The following ARMH3 variants were observed in gnomAD, a reference collection of about 807,000 sequenced individuals.
The protein encoded by ARMH3 is armadillo like helical domain containing 3.
In ARMH3, 60 loss-of-function variants were observed where a neutral mutation model predicts 99.1. The observed-to-expected ratio is 0.61, with a 90% confidence interval of 0.49 to 0.75. The LOEUF (loss-of-function observed/expected upper bound fraction) is 0.75. ARMH3 is among the 30% of genes least tolerant of loss of function. The pLI, the probability that ARMH3 is intolerant of heterozygous loss-of-function variation, is 0.00. For synonymous variants in ARMH3, 285 were observed against 292.8 expected, an observed-to-expected ratio of 0.97 and a Z score of 0.27; for missense variants, 679 against 843.1, an observed-to-expected ratio of 0.81 and a Z score of 2.41.
At chr10:102,049,424 C>T (rs1444808676) in intron 1 of ARMH3, among the ~76,000 whole-genome samples, 1 of 151,954 alleles carries the variant, frequency 6.6e-6, no homozygotes, top group African/African-American at 2.4e-5. Context: ...TGCCTGTAAT[C>T]CCAGCTACTC....
intron 6 of ARMH3, 101 bp from the exon 7 acceptor site, chr10:102,023,850 A>G: frequency 1.8e-6 from 2 of 1,132,094 alleles, no homozygotes; most frequent in Non-Finnish European, 2.6e-6. Flanking sequence ...ATATTAAAAT[A>G]TTTCTACTAG....
At chr10:102,004,842 G>A (rs2066445460) in intron 14 of ARMH3, among the ~76,000 whole-genome samples, 1 of 152,070 alleles carries the variant, frequency 6.6e-6, no homozygotes, top group African/African-American at 2.4e-5. Flanking sequence ...GCCCGAGGCA[G>A]GCGGATCACC....
intron 19 of ARMH3, among the ~76,000 whole-genome samples, chr10:101,976,412 TCACA>T (rs144097502): frequency 7.5e-4 from 106 of 141,864 alleles, no homozygotes; most frequent in East Asian, 1.9e-3. Context: ...TCTCTCTCTC[TCACA>T]CACACACACA....
At chr10:101,879,600 C>T (rs2067360349) in intron 24 of ARMH3, among the ~76,000 whole-genome samples, 1 of 152,136 alleles carries the variant, frequency 6.6e-6, no homozygotes, top group African/African-American at 2.4e-5. Flanking sequence ...GATCCGCCCA[C>T]CTCGGCCTCC....
At chr10:102,032,304 C>T (rs1412708396) in intron 4 of ARMH3, among the ~76,000 whole-genome samples, 1 of 152,200 alleles carries the variant, frequency 6.6e-6, no homozygotes, top group East Asian at 1.9e-4. Flanking sequence ...ATGCCTGGCA[C>T]ATAACAATTC....
intron 24 of ARMH3, among the ~76,000 whole-genome samples, chr10:101,858,982 T>C (rs2066797634): frequency 6.6e-6 from 1 of 152,236 alleles, no homozygotes; most frequent in African/African-American, 2.4e-5. Flanking sequence ...TAGACCCTGA[T>C]GTACCTTCTG....
intron 19 of ARMH3, among the ~76,000 whole-genome samples, chr10:101,985,114 T>TACACAC (rs1846416028): frequency 1.6e-5 from 2 of 128,084 alleles, no homozygotes; most frequent in Non-Finnish European, 3.5e-5. Flanking sequence ...CACACACACG[T>TACACAC]GTACATATAT....
intron 5 of ARMH3, among the ~76,000 whole-genome samples, chr10:102,026,042 A>C (rs1346943868): frequency 6.6e-6 from 1 of 152,206 alleles, no homozygotes; most frequent in African/African-American, 2.4e-5. Flanking sequence ...CTAGCCATAT[A>C]AACTATCCAA....
chr10:101,861,729 C>CAAAA (rs35593972), intron 24 of ARMH3, among the ~76,000 whole-genome samples: 29 of 44,066 alleles, frequency 6.6e-4, no homozygotes, highest in Non-Finnish European at 9.0e-4. Flanking sequence ...GACTCCGTCT[C>CAAAA]AAAAAAAAAA....
intron 24 of ARMH3, among the ~76,000 whole-genome samples, chr10:101,852,517 AG>A (rs1160370045): frequency 6.6e-6 from 1 of 152,240 alleles, no homozygotes; most frequent in Non-Finnish European, 1.5e-5. Flanking sequence ...GCACTTTGGG[AG>A]GCCGAGGCGG....
intron 1 of ARMH3, among the ~76,000 whole-genome samples, 198 bp from the exon 2 acceptor site, chr10:102,040,323 G>C (rs2067379770): frequency 6.6e-6 from 1 of 152,188 alleles, no homozygotes; most frequent in Non-Finnish European, 1.5e-5. Context: ...CTCTAGTGGG[G>C]GATGTTGTCA....
chr10:101,860,517 T>C (rs939086462), intron 24 of ARMH3, among the ~76,000 whole-genome samples: 4 of 152,008 alleles, frequency 2.6e-5, no homozygotes, highest in East Asian at 1.9e-4. Flanking sequence ...ATATAGGTGT[T>C]TGGGGAGGCA....
chr10:101,914,920 T>A (rs1413314899), intron 23 of ARMH3, among the ~76,000 whole-genome samples: 1 of 150,228 alleles, frequency 6.7e-6, no homozygotes, highest in Non-Finnish European at 1.5e-5. Context: ...ATTCTTATAA[T>A]TTATTTCCCT....
Position 101,909,993 on chromosome 10 carries a change from G to A in ARMH3, c.1782-20503C>T, listed in dbSNP as rs551346654. On this transcript the variant is annotated intron_variant, in intron 23 of 25. Transcript: ENST00000370033. ...ATTAAAGTTACATGTGACTCACAAC[G>A]TATTTCTATTGAATTATGCTATGTA... 2.4e-4 allele frequency among the ~76,000 whole-genome samples: 37 copies of A among 152,184 alleles called. 1 individual carries two copies. The South Asian group carries it at 6.9e-3, about 28-fold the overall frequency.
intron 1 of ARMH3, among the ~76,000 whole-genome samples, chr10:102,046,326 A>G (rs1184645011): frequency 6.6e-6 from 1 of 151,420 alleles, no homozygotes; most frequent in African/African-American, 2.4e-5. Flanking sequence ...AGAGAGAGAA[A>G]GAGAAAAGAG....
intron 23 of ARMH3, among the ~76,000 whole-genome samples, chr10:101,922,238 T>C (rs1321457423): frequency 1.3e-5 from 2 of 152,174 alleles, no homozygotes; most frequent in African/African-American, 4.8e-5. Flanking sequence ...GTTGGTAACA[T>C]TCTATTCCTT....
At chr10:101,990,037 C>A (rs1846707669) in intron 19 of ARMH3, among the ~76,000 whole-genome samples, 1 of 152,134 alleles carries the variant, frequency 6.6e-6, no homozygotes, top group African/African-American at 2.4e-5. Flanking sequence ...AGTGATCATG[C>A]GGATATGTGC....
intron 8 of ARMH3, among the ~76,000 whole-genome samples, chr10:102,015,861 C>A (rs776518994): frequency 6.6e-6 from 1 of 152,302 alleles, no homozygotes; most frequent in East Asian, 1.9e-4. Flanking sequence ...GGGCTGGGCA[C>A]GGTGGCTCAT....
chr10:101,902,725 A>AGAT (rs1426833705), intron 23 of ARMH3, among the ~76,000 whole-genome samples: 4 of 152,128 alleles, frequency 2.6e-5, no homozygotes, highest in Non-Finnish European at 5.9e-5. Context: ...AGGGGAAACT[A>AGAT]GATGACTGCT....
Sources: allele counts gnomAD v4.1 joint callset (sites outside exome capture counted in the v4.1 genomes callset), GRCh38; gene constraint gnomAD v4.1.1; transcripts MANE v1.5; gene names NCBI Gene and HGNC (gene_info 2026-07-23, HGNC 2026-07-21).